The following AOPEP variants were observed in gnomAD, a reference collection of about 807,000 sequenced individuals.
AOPEP encodes aminopeptidase O (putative).
AOPEP carries 77 observed loss-of-function variants against 98.1 expected under a neutral mutation model. That is an observed-to-expected ratio of 0.78 (90% CI 0.65 to 0.95). The LOEUF (loss-of-function observed/expected upper bound fraction) is 0.95. Among genes scored for constraint, AOPEP ranks in the 40% least tolerant of loss-of-function variants. The pLI is 0.00. For missense variants in AOPEP, 1,024 were observed against 1,024.7 expected (o/e 1.00, Z 0.01); for synonymous variants, 346 against 365.3 (o/e 0.95, Z 0.60).
intron 2 of AOPEP, among the ~76,000 whole-genome samples, chr9:94,766,497 A>G (rs907075840): frequency 7.2e-5 from 11 of 152,240 alleles, no homozygotes; most frequent in Non-Finnish European, 1.5e-4. Context: ...AGATCGCGCC[A>G]CTGCACTCCA....
chr9:95,048,637 C>G (rs1320402101), intron 13 of AOPEP: 1 of 152,206 alleles, frequency 6.6e-6, no homozygotes, highest in Non-Finnish European at 1.5e-5. Context: ...CGCGCTGCCG[C>G]CGCCCAGGTG....
Position 94,916,631 on chromosome 9 carries a change from G to A in AOPEP, c.1365-7355G>A, listed in dbSNP as rs150774532. 4.5e-3 allele frequency among the ~76,000 whole-genome samples: 676 copies of A among 151,486 alleles called. 4 individuals carry two copies. Among genetic ancestry groups the A allele is most frequent in the African/African-American group, 0.016 (647 of 41,222 alleles). The stretch of plus-strand genomic sequence containing the variant: ...AGACCAGAGAATTGCTTGAACCCGG[G>A]AGGTGGAGGTTGCAGTAAGCGCCAG... On this transcript the variant is annotated intron_variant, in intron 5 of 16. Transcript: ENST00000375315.
intron 16 of AOPEP, chr9:95,085,304 C>T (rs1163223039): frequency 8.3e-6 from 4 of 482,884 alleles, no homozygotes; most frequent in Admixed American, 2.2e-5. Context: ...ACGACCTTGG[C>T]TGCTCCTCCA....
chr9:95,053,468 T>C (rs1412750327), intron 13 of AOPEP, among the ~76,000 whole-genome samples: 4 of 152,232 alleles, frequency 2.6e-5, no homozygotes, highest in African/African-American at 7.2e-5. Context: ...CATGGCTACA[T>C]ACCATATAGG....
At chr9:95,069,587 G>T (rs1000334360) in intron 14 of AOPEP, among the ~76,000 whole-genome samples, 4 of 151,958 alleles carry the variant, frequency 2.6e-5, no homozygotes, top group Non-Finnish European at 1.5e-5. Flanking sequence ...AAATAAAAGA[G>T]CCTATTTGGA....
the AOPEP span, chr9:95,135,560 T>C: frequency 6.6e-6 from 10 of 1,503,786 alleles, no homozygotes; most frequent in Non-Finnish European, 9.2e-6. Flanking sequence ...AAAAAGAAGA[T>C]TAAAAAAAGT....
intron 5 of AOPEP, among the ~76,000 whole-genome samples, chr9:94,917,736 C>G (rs566310293): frequency 6.6e-6 from 1 of 152,202 alleles, no homozygotes; most frequent in Admixed American, 6.5e-5. Flanking sequence ...CCCAGCTTGT[C>G]TTCTGCATCC....
At chr9:94,994,546 T>C (rs1284490463) in intron 11 of AOPEP, among the ~76,000 whole-genome samples, 1 of 152,234 alleles carries the variant, frequency 6.6e-6, no homozygotes, top group African/African-American at 2.4e-5. Context: ...TTAAAAGCCT[T>C]CATCCTTAAT....
intron 5 of AOPEP, among the ~76,000 whole-genome samples, chr9:94,850,943 G>C (rs1475392849): frequency 6.6e-6 from 1 of 152,202 alleles, no homozygotes. Flanking sequence ...GGGAGACATA[G>C]ACATACAAGG....
intron 5 of AOPEP, among the ~76,000 whole-genome samples, chr9:94,816,812 T>A (rs1851798251): frequency 6.6e-6 from 1 of 152,114 alleles, no homozygotes; most frequent in Non-Finnish European, 1.5e-5. Flanking sequence ...CTGGTTCCCA[T>A]TTCGTTCTCC....
rs772181792 is a variant in AOPEP at position 94,982,517 on chromosome 9, ATAC to A, written c.1977+3091_1977+3093del. 8.8e-3 allele frequency among the ~76,000 whole-genome samples: 1,340 copies of A among 151,920 alleles called. 11 individuals are homozygous for A. Among genetic ancestry groups the A allele is most frequent in the Middle Eastern group, 0.017 (5 of 294 alleles). ...CAAACTAAGTTATTCATTTAAGGAT[ATAC>A]ACTGAGTAGTTTCCCACATCCCTTA... is the stretch of plus-strand genomic sequence containing the variant. On this transcript the variant is annotated intron_variant, in intron 11 of 16. Transcript: ENST00000375315.
chr9:95,149,743 T>G, the AOPEP span, among the ~76,000 whole-genome samples: 1 of 152,112 alleles, frequency 6.6e-6, no homozygotes, highest in South Asian at 2.1e-4. Context: ...CCTCCCAAAG[T>G]GCTGGGATTA....
intron 13 of AOPEP, among the ~76,000 whole-genome samples, chr9:95,021,371 C>T (rs976174448): frequency 2.0e-5 from 3 of 152,178 alleles, no homozygotes; most frequent in Admixed American, 2.0e-4. Flanking sequence ...CAGAAAGCTT[C>T]CTCTCCTCCT....
chr9:95,022,496 C>T (rs1405102359), intron 13 of AOPEP, among the ~76,000 whole-genome samples: 1 of 152,176 alleles, frequency 6.6e-6, no homozygotes, highest in Non-Finnish European at 1.5e-5. Context: ...CGCCACCATG[C>T]CTGGCTAATT....
At chr9:94,881,501 G>T (rs1032001497) in intron 5 of AOPEP, among the ~76,000 whole-genome samples, 1 of 152,164 alleles carries the variant, frequency 6.6e-6, no homozygotes, top group African/African-American at 2.4e-5. Context: ...GTTGTAATTG[G>T]TGAGACATAA....
At chr9:94,937,759 ACTC>A (rs1189241572) in intron 7 of AOPEP, among the ~76,000 whole-genome samples, 1 of 151,310 alleles carries the variant, frequency 6.6e-6, no homozygotes, top group East Asian at 2.0e-4. Flanking sequence ...CCTCCTCTGT[ACTC>A]CTAGGCTCTC....
chr9:94,810,638 CA>C (rs76591957), intron 5 of AOPEP, among the ~76,000 whole-genome samples: 33,217 of 151,962 alleles, frequency 0.22, 5,100 homozygotes, highest in African/African-American at 0.43. Context: ...TTTATTTCAA[CA>C]AGGCATGGGG....
chr9:94,878,797 T>C (rs975439551), intron 5 of AOPEP, among the ~76,000 whole-genome samples: 3 of 152,244 alleles, frequency 2.0e-5, no homozygotes, highest in African/African-American at 7.2e-5. Flanking sequence ...TCTTTCAGCC[T>C]TTCTGTAACT....
At chr9:94,881,182 A>C (rs1564313000) in intron 5 of AOPEP, among the ~76,000 whole-genome samples, 1 of 152,058 alleles carries the variant, frequency 6.6e-6, no homozygotes, top group African/African-American at 2.4e-5. Flanking sequence ...TTTGCAAATT[A>C]AGTTCATTCC....
Sources: gnomAD v4.1 joint callset for allele counts (sites outside exome capture counted in the v4.1 genomes callset) on GRCh38, gnomAD v4.1.1 for gene constraint, MANE v1.5 for transcripts, NCBI Gene and HGNC (gene_info 2026-07-23, HGNC 2026-07-21) for gene names.